Variants in NAV1 observed in about 807,000 individuals in gnomAD.
NAV1 encodes neuron navigator 1.
NAV1 carries 18 observed loss-of-function variants against 175.2 expected under a neutral mutation model. The ratio of observed to expected loss-of-function variants is 0.10; its 90% CI spans 0.07 to 0.15. The LOEUF (loss-of-function observed/expected upper bound fraction) is 0.15, where lower values mean the gene tolerates loss of function less well. Among genes scored for constraint, NAV1 ranks in the 10% least tolerant of loss-of-function variants. The probability of loss-of-function intolerance (pLI) is 1.00; values close to 1 mark genes in which losing one functional copy is unlikely to be tolerated. For missense variants in NAV1, 1,731 were observed against 2,436.6 expected, an observed-to-expected ratio of 0.71 and a Z score of 6.10; for synonymous variants, 897 against 978.7, an observed-to-expected ratio of 0.92 and a Z score of 1.56.
chr1:201,775,569 T>A (rs1675883772), intron 3 of NAV1, among the ~76,000 whole-genome samples: 1 of 151,978 alleles, frequency 6.6e-6, no homozygotes, highest in Non-Finnish European at 1.5e-5. Context: ...TCTCAGAAGG[T>A]CTATAACACG....
chr1:201,741,454 G>C (rs1673416949), intron 3 of NAV1, among the ~76,000 whole-genome samples: 1 of 152,124 alleles, frequency 6.6e-6, no homozygotes. Flanking sequence ...TCTTACTTCA[G>C]GTGAGATCCT....
In NAV1 at chr1:201,750,800, C is replaced by T. The variant is rs12092867; in HGVS notation, c.1227-29621C>T. ...CCTGCCTTTCTGAGATCGGAGGAGG[C>T]CTGGAGGGTGGGGTGAAGTTGTGAG... On this transcript the variant is annotated intron_variant, in intron 3 of 29. Coordinates refer to ENST00000367296, the Ensembl canonical transcript of NAV1. This position sits in a 1 kb window ranked among gnomAD's most constrained non-coding sequence, Gnocchi z 4.1. Among the ~76,000 whole-genome samples, 1 of 151,694 alleles carries T rather than the reference C, an allele frequency of 6.6e-6. No homozygotes were observed. Among genetic ancestry groups the T allele is most frequent in the East Asian group, 2.0e-4 (1 of 5,112 alleles).
chr1:201,814,065 AAAAC>A lies in NAV1; in HGVS notation c.5340+823_5340+826del, dbSNP rs1329479210. Among the ~76,000 whole-genome samples, 28 of 152,074 alleles carry A rather than the reference AAAAC, an allele frequency of 1.8e-4. No homozygotes were observed. The East Asian group carries it at 2.9e-3, about 16-fold the overall frequency. ...AGAGCGAGACTCTGTCACAAAAACA[AAAAC>A]AAACAAACAAACAAAAAAACTTAAA... is the stretch of plus-strand genomic sequence containing the variant. On this transcript the variant is annotated intron_variant, in intron 28 of 29. Transcript: ENST00000367296.
intron 1 of NAV1, among the ~76,000 whole-genome samples, chr1:201,695,450 C>A (rs1671150449): frequency 1.3e-5 from 2 of 152,214 alleles, no homozygotes; most frequent in Non-Finnish European, 1.5e-5. Flanking sequence ...AACTCCAACA[C>A]ATTTGACCAG....
chr1:201,642,525 T>TTTTTCTTTCTTTCTTTCTTTCTTTCTTTC (rs1553247053), intron 2 of NAV1, among the ~76,000 whole-genome samples: 2 of 100,306 alleles, frequency 2.0e-5, no homozygotes, highest in African/African-American at 4.3e-5. Flanking sequence ...TTCTTTCTTT[T>TTTTTCTTTCTTTCTTTCTTTCTTTCTTTC]TTTCTTTCTT....
intron 2 of NAV1, among the ~76,000 whole-genome samples, chr1:201,603,590 G>T (rs1001811321): frequency 3.9e-5 from 6 of 152,282 alleles, no homozygotes; most frequent in East Asian, 3.9e-4. Flanking sequence ...CGTAGAATTG[G>T]GGTGCTTGGA....
chr1:201,709,185 T>C (rs537597152), intron 1 of NAV1, among the ~76,000 whole-genome samples: 12 of 151,896 alleles, frequency 7.9e-5, no homozygotes, highest in Admixed American at 7.9e-4. Context: ...AGGTTACTTT[T>C]CTCATTATCA....
chr1:201,602,542 C>T (rs374357115), intron 2 of NAV1, among the ~76,000 whole-genome samples: 1 of 151,202 alleles, frequency 6.6e-6, no homozygotes, highest in African/African-American at 2.4e-5. Context: ...AGGGTTCCAC[C>T]GTGTTGGCCA....
chr1:201,612,341 C>T (rs901125208), intron 2 of NAV1, among the ~76,000 whole-genome samples: 1 of 152,178 alleles, frequency 6.6e-6, no homozygotes, highest in African/African-American at 2.4e-5. Flanking sequence ...GTGGTGCCAG[C>T]TACTCGGCAG....
At chr1:201,642,379 AT>A (rs1668796666) in intron 2 of NAV1, among the ~76,000 whole-genome samples, 1 of 151,438 alleles carries the variant, frequency 6.6e-6, no homozygotes, top group African/African-American at 2.4e-5. Flanking sequence ...CACCCAGCTA[AT>A]TTTTTGTTTG....
At chr1:201,649,468 C>A in intron 1 of NAV1, 43 bp downstream of exon 5, 1 of 1,460,106 alleles carries the variant, frequency 6.8e-7, no homozygotes, top group Non-Finnish European at 9.0e-7. Flanking sequence ...TGGCTTTCTC[C>A]TAACCAGCTG....
exon 1 of NAV1, chr1:201,648,262 G>A (rs1669044582): frequency 1.9e-6 from 2 of 1,045,358 alleles, no homozygotes. Context: ...GGGACTGACA[G>A]GCAGGCAGGC....
intron 3 of NAV1, among the ~76,000 whole-genome samples, chr1:201,758,596 C>T (rs1012894522): frequency 3.9e-5 from 6 of 152,110 alleles, no homozygotes; most frequent in South Asian, 2.1e-4. Flanking sequence ...GTAGAAGTGA[C>T]GGAGCAGACA....
In NAV1 at chr1:201,555,302, A is replaced by C. The variant is rs114605786; in HGVS notation, c.-144+15960A>C. On this transcript the variant is annotated intron_variant, in intron 1 of 33. Transcript: ENST00000685211. The stretch of plus-strand genomic sequence containing the variant: ...CATTGTTGCAGGTAAGGCAAGAATC[A>C]GGGGAGATTTTGGCCAGAGACCTAC... Among the ~76,000 whole-genome samples the C allele has an allele frequency of 8.3e-3, 1,259 of 152,342 alleles. 26 individuals are homozygous for C. Among genetic ancestry groups the C allele is most frequent in the African/African-American group, 0.028 (1,183 of 41,582 alleles).
chr1:201,752,982 G>T (rs1267850312), intron 3 of NAV1, among the ~76,000 whole-genome samples: 1 of 152,016 alleles, frequency 6.6e-6, no homozygotes, highest in Non-Finnish European at 1.5e-5. Flanking sequence ...TTCACATTAG[G>T]AAAGAATGTA....
chr1:201,615,471 G>C (rs1444357249), intron 2 of NAV1, among the ~76,000 whole-genome samples: 1 of 151,990 alleles, frequency 6.6e-6, no homozygotes, highest in East Asian at 1.9e-4. Flanking sequence ...CACCATCTTG[G>C]CTAGGCTGGT....
At chr1:201,607,119 T>TC (rs1045152590) in intron 2 of NAV1, among the ~76,000 whole-genome samples, 6 of 136,844 alleles carry the variant, frequency 4.4e-5, no homozygotes, top group African/African-American at 1.6e-4. Flanking sequence ...TTTTTTCTTT[T>TC]TTTTTTTTTT....
chr1:201,574,261 C>T (rs2102179297), intron 1 of NAV1, among the ~76,000 whole-genome samples: 1 of 152,116 alleles, frequency 6.6e-6, no homozygotes, highest in East Asian at 1.9e-4. Flanking sequence ...GTGTTAAATC[C>T]CCACAGAGAG....
At chr1:201,747,460 G>T (rs1673843727) in intron 3 of NAV1, among the ~76,000 whole-genome samples, 1 of 152,188 alleles carries the variant, frequency 6.6e-6, no homozygotes, top group African/African-American at 2.4e-5. Flanking sequence ...TGGCTCAAAG[G>T]CCCTGAAGGA....
Sources: gnomAD v4.1 joint callset for allele counts (sites outside exome capture counted in the v4.1 genomes callset) on GRCh38, gnomAD v4.1.1 for gene constraint, Gnocchi (gnomAD v3.1) non-coding constraint, MANE v1.5 for transcripts, NCBI Gene and HGNC (gene_info 2026-07-23, HGNC 2026-07-21) for gene names.